The following RBM43 variants were observed in gnomAD, a reference collection of about 807,000 sequenced individuals.
RBM43 encodes RNA binding motif protein 43.
In RBM43, 12 loss-of-function variants were observed where a neutral mutation model predicts 12.4. The observed-to-expected ratio is 0.97, with a 90% CI of 0.62 to 1.57. RBM43 has a LOEUF of 1.57. Ranked by LOEUF, RBM43 falls within the 40% of genes most tolerant of loss-of-function variation. The pLI is 0.00. For synonymous variants in RBM43, 138 were observed against 145.7 expected (o/e 0.95, Z 0.38); for missense variants, 348 against 400.1 (o/e 0.87, Z 1.11).
rs1451173952 is a variant in RBM43 at position 151,248,415 on chromosome 2, T to C, written c.*2491A>G. 3 of 152,146 alleles carry C rather than the reference T, an allele frequency of 2.0e-5. No individual in the cohort carries two copies. The East Asian group carries it at 5.8e-4, about 29-fold the overall frequency. 9.4% of individuals were successfully genotyped at this position (152,146 alleles called of 1,614,324 possible). ...TTCAAGTGTTTTTATTTAAGTAGTATGTTAGAATAGCTGTTTAGAGAAGGA... is the reference window on the plus strand; with the variant it reads ...TTCAAGTGTTTTTATTTAAGTAGTACGTTAGAATAGCTGTTTAGAGAAGGA... On this transcript the variant is annotated 3_prime_UTR_variant, in exon 4 of 4. Coordinates refer to ENST00000331426, the MANE Select transcript of RBM43 (RefSeq NM_198557.3).
intron 1 of RBM43, chr2:151,261,295 T>C: frequency 6.4e-7 from 1 of 1,550,614 alleles, no homozygotes; most frequent in South Asian, 1.2e-5. Context: ...AGCTGTGACC[T>C]CCATTTCTGG....
intron 1 of RBM43, 88 bp from the exon 2 acceptor site, chr2:151,255,831 A>T (rs1351412198): frequency 1.8e-5 from 18 of 1,001,326 alleles, no homozygotes; most frequent in African/African-American, 3.3e-5. Flanking sequence ...AGAATATCTT[A>T]TTCTATAAAA....
intron 2 of RBM43, among the ~76,000 whole-genome samples, chr2:151,255,292 C>T (rs1682956686): frequency 6.6e-6 from 1 of 151,894 alleles, no homozygotes; most frequent in Non-Finnish European, 1.5e-5. Flanking sequence ...GCAGGCGCCT[C>T]CTGTAATCCC....
Position 151,250,813 on chromosome 2 carries a change from T to G in RBM43, c.*93A>C, listed in dbSNP as rs1682889176. 9.0e-5 allele frequency: 76 copies of G among 842,532 alleles called. No individual in the cohort carries two copies. The highest frequency in any genetic ancestry group is 1.3e-4 in the Non-Finnish European group (67 of 531,792). The allele number at this position is 842,532 out of a possible 1,614,324, so 52.2% of individuals were successfully genotyped here. A position where few individuals can be genotyped will look rare whatever the true frequency, so the allele number is the denominator to read the frequency against. ...AAAGAAGGATGACTATAAGGATTCA[T>G]GAGATACGGTGTGTAAAGCTAGCCT... On this transcript the variant is annotated 3_prime_UTR_variant, in exon 4 of 4. Coordinates refer to ENST00000331426, the MANE Select transcript of RBM43 (RefSeq NM_198557.3).
chr2:151,255,540 T>A lies in RBM43; in HGVS notation c.207A>T (p.Glu69Asp), dbSNP rs546712010. 1 of 1,597,952 alleles carries A rather than the reference T, an allele frequency of 6.3e-7. No individual in the cohort carries two copies. The highest frequency in any genetic ancestry group is 2.2e-5 in the East Asian group (1 of 44,780). The change falls in exon 2 of 4, where the codon GAA (glutamate) becomes GAT (aspartate). Residue 69 changes from glutamate (E) to aspartate (D), a missense_variant. Physicochemically the swap from Glu to Asp is conservative, Grantham distance 45 (BLOSUM62 2). Coordinates refer to ENST00000331426, the MANE Select transcript of RBM43 (RefSeq NM_198557.3). ...TKGVAYVIFK[E>D]KKVAENVIRQ... Reference sequence around the variant, plus strand: ...AATTTGACTTGGAAATACCTTTTTTTTCTTTGAATATTACATATGCAACTC... The same window carrying A: ...AATTTGACTTGGAAATACCTTTTTTATCTTTGAATATTACATATGCAACTC...
Position 151,251,189 on chromosome 2 carries a change from A to G in RBM43, c.791T>C (p.Ile264Thr). Reference protein sequence around the residue: ...GEITTICLKSIQVGSQPNNAK... With the variant: ...GEITTICLKSTQVGSQPNNAK... ...ATTGTTTGGCTGAGAACCAACTTGA[A>G]TGCTTTTTAGACAAATTGTGGTGAT... Residue 264 changes from isoleucine (I) to threonine (T), a missense_variant, in exon 4 of 4, where the codon ATT (isoleucine) becomes ACT (threonine). By Grantham distance (89) the Ile-to-Thr change is moderately conservative (BLOSUM62 -1). Coordinates refer to ENST00000331426, the MANE Select transcript of RBM43 (RefSeq NM_198557.3). 1 of 1,614,000 alleles carries G rather than the reference A, an allele frequency of 6.2e-7. No homozygotes were observed. Among genetic ancestry groups the G allele is most frequent in the Non-Finnish European group, 8.5e-7 (1 of 1,180,022 alleles).
At chr2:151,261,369 G>A (rs1444115390) in intron 1 of RBM43, 1 of 1,550,630 alleles carries the variant, frequency 6.4e-7, no homozygotes, top group Non-Finnish European at 8.7e-7. Context: ...CTAACAGCCT[G>A]CGAAGCAGCT....
chr2:151,255,847 G>A (rs997436487), intron 1 of RBM43, 104 bp from the exon 2 acceptor site: 106 of 814,242 alleles, frequency 1.3e-4, no homozygotes, highest in East Asian at 2.6e-4. Flanking sequence ...TAAAAGTGCC[G>A]GTGCAGCTGG....
chr2:151,252,449 A>G (rs1232224624), intron 3 of RBM43, among the ~76,000 whole-genome samples: 1 of 152,202 alleles, frequency 6.6e-6, no homozygotes, highest in African/African-American at 2.4e-5. Flanking sequence ...CCTGAGCCCA[A>G]GAGGCAGAGT....
chr2:151,254,731 G>GATCCCTGTACATTC (rs1372516228), intron 2 of RBM43, among the ~76,000 whole-genome samples: 2 of 152,140 alleles, frequency 1.3e-5, no homozygotes, highest in Admixed American at 6.5e-5. Context: ...CAGGGATTGG[G>GATCCCTGTACATTC]TGCAGGGAGC....
At chr2:151,253,024 T>C (rs1243535865) in intron 2 of RBM43, among the ~76,000 whole-genome samples, 169 bp from the exon 3 acceptor site, 1 of 152,252 alleles carries the variant, frequency 6.6e-6, no homozygotes, top group African/African-American at 2.4e-5. Context: ...CTCATTAAAG[T>C]TCATTTTATG....
chr2:151,261,146 A>C (rs570530077), intron 1 of RBM43: 2 of 1,303,784 alleles, frequency 1.5e-6, no homozygotes, highest in Non-Finnish European at 2.1e-6. Flanking sequence ...CGATTGATGG[A>C]AACAAAACAA....
rs753196379 is a variant in RBM43, at chr2:151,251,002, G to T, written c.978C>A (p.Asn326Lys). Residue 326 changes from asparagine (N) to lysine (K), a missense_variant, in exon 4 of 4, where the codon AAC becomes AAA. Coordinates refer to ENST00000331426, the MANE Select transcript of RBM43 (RefSeq NM_198557.3). Reference sequence around the variant, plus strand: ...TAATGTCAATGTGTGTCCTATAAAGGTTAATCAGGACTTCAAGGTATCTCG... The same window carrying T: ...TAATGTCAATGTGTGTCCTATAAAGTTTAATCAGGACTTCAAGGTATCTCG... ...LSSRYLEVLINLYRTHIDIIG... is the reference protein window; with the variant it reads ...LSSRYLEVLIKLYRTHIDIIG... 3.7e-6 allele frequency: 6 copies of T among 1,612,856 alleles called. No homozygotes were observed. The East Asian group carries it at 1.1e-4, about 30-fold the overall frequency.
chr2:151,255,564 T>C lies in RBM43; in HGVS notation c.183A>G (p.Gly61=). Residue 61 remains glycine, a synonymous_variant, in exon 2 of 4, where the codon GGA becomes GGG. Coordinates refer to ENST00000331426, the MANE Select transcript of RBM43 (RefSeq NM_198557.3). ...EDVIYPTRTK[G]VAYVIFKEKK... is the part of the protein sequence containing the mutation. ...TTTCTTTGAATATTACATATGCAACTCCCTTGGTTCTTGTCGGATATATCA... is the reference window on the plus strand; with the variant it reads ...TTTCTTTGAATATTACATATGCAACCCCCTTGGTTCTTGTCGGATATATCA... The C allele has an allele frequency of 6.2e-7, 1 of 1,613,510 alleles. No individual in the cohort carries two copies. Among genetic ancestry groups the C allele is most frequent in the Non-Finnish European group, 8.5e-7 (1 of 1,179,660 alleles).
intron 1 of RBM43, among the ~76,000 whole-genome samples, chr2:151,258,643 G>T (rs1324739135): frequency 6.6e-6 from 1 of 152,122 alleles, no homozygotes; most frequent in African/African-American, 2.4e-5. Context: ...CGAGGCTGCA[G>T]TGAGCCAGGA....
chr2:151,255,031 A>T (rs1682953627), intron 2 of RBM43, among the ~76,000 whole-genome samples: 1 of 152,240 alleles, frequency 6.6e-6, no homozygotes, highest in Admixed American at 6.5e-5. Flanking sequence ...TTTGCCAGTC[A>T]CTAACAACTT....
chr2:151,255,443 C>A, intron 2 of RBM43, 90 bp downstream of exon 2: 1 of 925,350 alleles, frequency 1.1e-6, no homozygotes. Context: ...TTAAAATTTA[C>A]CAATTCCGTG....
intron 1 of RBM43, among the ~76,000 whole-genome samples, chr2:151,259,108 T>G (rs1049584083): frequency 4.7e-5 from 7 of 149,318 alleles, no homozygotes; most frequent in Non-Finnish European, 1.0e-4. Flanking sequence ...CACTCCAGCC[T>G]GCCTGGGCAA....
chr2:151,259,123 G>A (rs1683013245), intron 1 of RBM43, among the ~76,000 whole-genome samples: 1 of 145,198 alleles, frequency 6.9e-6, no homozygotes, highest in Non-Finnish European at 1.5e-5. Flanking sequence ...GGGCAATAGA[G>A]GGAGACTTCG....
Sources: allele counts gnomAD v4.1 joint callset (sites outside exome capture counted in the v4.1 genomes callset), GRCh38; gene constraint gnomAD v4.1.1; transcripts MANE v1.5; gene names NCBI Gene and HGNC (gene_info 2026-07-23, HGNC 2026-07-21).